Variants in DRD3 observed in about 807,000 individuals in gnomAD.
DRD3 encodes the protein D(3) dopamine receptor.
In DRD3, 19 loss-of-function variants were observed where a neutral mutation model predicts 36.3. The ratio of observed to expected loss-of-function variants is 0.52; its 90% confidence interval spans 0.36 to 0.77. DRD3 has a LOEUF of 0.77. Among genes scored for constraint, DRD3 ranks in the 30% least tolerant of loss-of-function variants. The probability of loss-of-function intolerance (pLI) is 0.00; values close to 1 mark genes in which losing one functional copy is unlikely to be tolerated. For synonymous variants in DRD3, 195 were observed against 203.7 expected (o/e 0.96, Z 0.36); for missense variants, 465 against 505.3 (o/e 0.92, Z 0.77).
intron 4 of DRD3, among the ~76,000 whole-genome samples, chr3:114,143,426 T>C (rs904988299): frequency 6.6e-6 from 1 of 152,214 alleles, no homozygotes; most frequent in African/African-American, 2.4e-5. Context: ...TAAAGCACTG[T>C]GCTGGGTGAA....
intron 1 of DRD3, among the ~76,000 whole-genome samples, 183 bp from the exon 2 acceptor site, chr3:114,172,210 T>G (rs1043282238): frequency 6.6e-6 from 1 of 152,204 alleles, no homozygotes; most frequent in Non-Finnish European, 1.5e-5. Flanking sequence ...TTCCTTCCCT[T>G]TGAAGCTCCC....
At chr3:114,152,741 G>C (rs2077629569) in intron 3 of DRD3, among the ~76,000 whole-genome samples, 1 of 152,222 alleles carries the variant, frequency 6.6e-6, no homozygotes, top group Non-Finnish European at 1.5e-5. Flanking sequence ...AACCCTGCAG[G>C]GACCCTGCAT....
rs1485791586 is a variant in DRD3 at position 114,131,496 on chromosome 3, CG to C, written c.724-97del. 5.4e-6 allele frequency: 8 copies of C among 1,469,486 alleles called. No homozygotes were observed. The Admixed American group carries it at 1.8e-4, about 33-fold the overall frequency. 91.0% of individuals were successfully genotyped at this position (1,469,486 alleles called of 1,614,324 possible). A position where few individuals can be genotyped will look rare whatever the true frequency, so the allele number is the denominator to read the frequency against. On this transcript the variant is annotated intron_variant, in intron 5 of 6. Transcript: ENST00000383673. ...GGCCAGAGAATTCAAAGAAGGAAGA[CG>C]GCAACACAGTTGTGGGAAACCTACA...
intron 1 of DRD3, among the ~76,000 whole-genome samples, chr3:114,186,160 A>G (rs192711782): frequency 6.6e-6 from 1 of 152,286 alleles, no homozygotes; most frequent in African/African-American, 2.4e-5. Flanking sequence ...TTAATGTCCT[A>G]GTCTTTAATG....
chr3:114,148,488 GT>G (rs952447156), intron 3 of DRD3, among the ~76,000 whole-genome samples: 2 of 151,770 alleles, frequency 1.3e-5, no homozygotes, highest in Admixed American at 6.6e-5. Context: ...ACATCTTTGT[GT>G]TTTTTTTGTG....
In DRD3 at chr3:114,147,239, T is replaced by G. The variant is rs142960484; in HGVS notation, c.526+176A>C. On this transcript the variant is annotated intron_variant, in intron 4 of 6. Coordinates refer to ENST00000383673, the MANE Select transcript of DRD3 (RefSeq NM_000796.6). ...TGCCAATAATTGATGAGGTTTTGCT[T>G]TATATTTTATTTATAACCCACAAAG... 3.1e-3 allele frequency among the ~76,000 whole-genome samples: 477 copies of G among 152,120 alleles called. 2 individuals are homozygous for G. Among genetic ancestry groups the G allele is most frequent in the African/African-American group, 0.011 (456 of 41,488 alleles).
At chr3:114,180,972 C>T (rs535911273), upstream of DRD3, among the ~76,000 whole-genome samples, 14 of 152,156 alleles carry the variant, frequency 9.2e-5, no homozygotes, top group African/African-American at 1.4e-4. Flanking sequence ...ATGGTTTTCA[C>T]GTTTCAGTAT....
chr3:114,165,907 G>A (rs1156548623), intron 2 of DRD3, among the ~76,000 whole-genome samples: 1 of 151,918 alleles, frequency 6.6e-6, no homozygotes. Context: ...GTGGGAGTGG[G>A]GCCTGGGGCT....
At chr3:114,141,820 G>A (rs2077526027) in intron 4 of DRD3, among the ~76,000 whole-genome samples, 1 of 152,066 alleles carries the variant, frequency 6.6e-6, no homozygotes, top group Non-Finnish European at 1.5e-5. Flanking sequence ...GAGAGGCCGA[G>A]GCAGGTGGAT....
At position 114,190,135 on chromosome 3, in the gene DRD3, C is replaced by A. The variant is rs573693472; in HGVS notation, c.-156+9138G>T. On this transcript the variant is annotated intron_variant, in intron 1 of 7. Coordinates refer to the DRD3 transcript ENST00000460779. ...CATACTTTAGATAGAGCCAGTATCACAAACCAAACTCTAGGGGAGCAACTA... is the reference window on the plus strand; with the variant it reads ...CATACTTTAGATAGAGCCAGTATCAAAAACCAAACTCTAGGGGAGCAACTA... 2.6e-5 allele frequency among the ~76,000 whole-genome samples: 4 copies of A among 152,060 alleles called. No individual in the cohort carries two copies. In the East Asian group the frequency reaches 5.8e-4, roughly 22 times the overall value.
At chr3:114,164,225 A>AAAAAAACC in intron 2 of DRD3, among the ~76,000 whole-genome samples, 1 of 138,426 alleles carries the variant, frequency 7.2e-6, no homozygotes, top group African/African-American at 3.0e-5. Flanking sequence ...AGTCTCAAAA[A>AAAAAAACC]AAAAAAAAAA....
chr3:114,172,593 T>G (rs2077857703), intron 1 of DRD3, among the ~76,000 whole-genome samples: 1 of 152,184 alleles, frequency 6.6e-6, no homozygotes, highest in Non-Finnish European at 1.5e-5. Flanking sequence ...GCAGGGCTAT[T>G]GAAAGTACCA....
chr3:114,146,148 ATTAC>A (rs1332563745), intron 4 of DRD3, among the ~76,000 whole-genome samples: 2 of 152,330 alleles, frequency 1.3e-5, no homozygotes, highest in East Asian at 1.9e-4. Flanking sequence ...CACTTGGAAG[ATTAC>A]TTAAAGTTAG....
chr3:114,128,937 C>A (rs751248604), intron 6 of DRD3, 25 bp from the exon 7 acceptor site: 1 of 1,545,404 alleles, frequency 6.5e-7, no homozygotes, highest in Non-Finnish European at 8.7e-7. Context: ...AAGAGAGAAA[C>A]TGGGTAAGGG....
chr3:114,152,956 T>A (rs1235538952), intron 3 of DRD3, among the ~76,000 whole-genome samples: 1 of 152,248 alleles, frequency 6.6e-6, no homozygotes, highest in Non-Finnish European at 1.5e-5. Flanking sequence ...AGCCTCGCAC[T>A]GTGCGCGCCG....
chr3:114,188,310 C>T (rs1379425515), intron 1 of DRD3, among the ~76,000 whole-genome samples: 1 of 145,388 alleles, frequency 6.9e-6, no homozygotes, highest in Non-Finnish European at 1.5e-5. Context: ...GCCTCAAGTT[C>T]AAGTGATTCT....
intron 1 of DRD3, among the ~76,000 whole-genome samples, chr3:114,194,443 C>A (rs1370465916): frequency 1.3e-5 from 2 of 152,038 alleles, no homozygotes; most frequent in African/African-American, 4.8e-5. Flanking sequence ...CCACCATGCC[C>A]GGCTAATTTT....
intron 3 of DRD3, among the ~76,000 whole-genome samples, chr3:114,153,605 G>A (rs894132906): frequency 1.3e-4 from 19 of 151,794 alleles, no homozygotes; most frequent in African/African-American, 4.6e-4. Flanking sequence ...CAGGTTAATT[G>A]ACTTGCCCAA....
At chr3:114,129,032 C>G in intron 6 of DRD3, 120 bp from the exon 7 acceptor site, 2 of 1,104,892 alleles carry the variant, frequency 1.8e-6, no homozygotes, top group Middle Eastern at 4.4e-4. Flanking sequence ...GTTTTGCATA[C>G]CCACTTACTT....
Sources: allele counts gnomAD v4.1 joint callset (sites outside exome capture counted in the v4.1 genomes callset), GRCh38; gene constraint gnomAD v4.1.1; transcripts MANE v1.5; gene names NCBI Gene and HGNC (gene_info 2026-07-23, HGNC 2026-07-21).